NXPH2: variants seen among roughly 807,000 people sequenced by gnomAD.
NXPH2 encodes neurexophilin 2, also known as neurexophilin-2.
In NXPH2, 5 loss-of-function variants were observed where a neutral mutation model predicts 19.8. The ratio of observed to expected loss-of-function variants is 0.25; its 90% CI spans 0.13 to 0.53. The LOEUF (loss-of-function observed/expected upper bound fraction) is 0.53, where lower values mean the gene tolerates loss of function less well. Ranked by LOEUF, NXPH2 falls within the 20% of genes least tolerant of loss-of-function variation. The pLI, the probability that NXPH2 is intolerant of heterozygous loss-of-function variation, is 0.96. For missense variants in NXPH2, 289 were observed against 322.8 expected, an observed-to-expected ratio of 0.90 and a Z score of 0.80; for synonymous variants, 154 against 127.4, an observed-to-expected ratio of 1.21 and a Z score of -1.41.
At chr2:138,690,348 C>A (rs1373865792) in intron 1 of NXPH2, among the ~76,000 whole-genome samples, 1 of 152,192 alleles carries the variant, frequency 6.6e-6, no homozygotes, top group African/African-American at 2.4e-5. Flanking sequence ...TGTCCCATCT[C>A]ACCCTTTCAA....
In NXPH2 at chr2:138,740,735, G is replaced by A. The variant is rs142397481; in HGVS notation, c.51+39456C>T. Among the ~76,000 whole-genome samples, 935 of 151,922 alleles carry A rather than the reference G, an allele frequency of 6.2e-3. 7 individuals are homozygous for A. Among genetic ancestry groups the A allele is most frequent in the Non-Finnish European group, 8.9e-3 (608 of 68,004 alleles). On this transcript the variant is annotated intron_variant, in intron 1 of 1. Transcript: ENST00000272641. Reference sequence around the variant, plus strand: ...CATCCAAGATTTTAATTCTTATTGCGTTGTAAAGTTTAAAGTCTCCTGCTT... The same window carrying A: ...CATCCAAGATTTTAATTCTTATTGCATTGTAAAGTTTAAAGTCTCCTGCTT...
intron 1 of NXPH2, among the ~76,000 whole-genome samples, chr2:138,779,946 A>G (rs904691779): frequency 6.6e-6 from 1 of 151,956 alleles, no homozygotes; most frequent in African/African-American, 2.4e-5. Context: ...CCTTCTGCCT[A>G]CTTTACCCCA....
chr2:138,691,933 A>G (rs1418158292), intron 1 of NXPH2, among the ~76,000 whole-genome samples: 1 of 152,252 alleles, frequency 6.6e-6, no homozygotes, highest in East Asian at 1.9e-4. Flanking sequence ...ATAAGATGTA[A>G]TAAAATGGTT....
intron 1 of NXPH2, among the ~76,000 whole-genome samples, chr2:138,770,678 C>G (rs1381507810): frequency 6.6e-6 from 1 of 151,882 alleles, no homozygotes; most frequent in Non-Finnish European, 1.5e-5. Context: ...TCCTTACATT[C>G]CAGCAAAAAT....
chr2:138,678,882 G>A (rs957913840), intron 1 of NXPH2, among the ~76,000 whole-genome samples: 23 of 152,074 alleles, frequency 1.5e-4, no homozygotes, highest in Admixed American at 1.2e-3. Flanking sequence ...GGCTTTCTTT[G>A]TAGGTCAACT....
chr2:138,695,797 T>A (rs1365441574), intron 1 of NXPH2, among the ~76,000 whole-genome samples: 1 of 152,054 alleles, frequency 6.6e-6, no homozygotes, highest in Non-Finnish European at 1.5e-5. Context: ...ACACAATTCA[T>A]AGACAAGATA....
intron 1 of NXPH2, among the ~76,000 whole-genome samples, chr2:138,719,302 T>C (rs1227207113): frequency 6.6e-6 from 1 of 152,122 alleles, no homozygotes; most frequent in East Asian, 1.9e-4. Flanking sequence ...AAGAAAATTC[T>C]TTATATGTCT....
chr2:138,702,185 T>C (rs1166585924), intron 1 of NXPH2, among the ~76,000 whole-genome samples: 1 of 152,148 alleles, frequency 6.6e-6, no homozygotes, highest in Non-Finnish European at 1.5e-5. Context: ...GGCACAATGA[T>C]AGCTCACTGT....
rs1229213782 is a variant in NXPH2, at chr2:138,670,881, C to A, written c.*41G>T. The A allele has an allele frequency of 1.9e-6, 3 of 1,561,686 alleles. No individual in the cohort carries two copies. The highest frequency in any genetic ancestry group is 1.2e-5 in the South Asian group (1 of 81,926). On this transcript the variant is annotated 3_prime_UTR_variant, in exon 2 of 2. Coordinates refer to ENST00000272641, the MANE Select transcript of NXPH2 (RefSeq NM_007226.3). Reference sequence around the variant, plus strand: ...GGGCTTGTTTCTTTGTCATTCTAATCAAATACATATGTATCCCTCATTTCC... The same window carrying A: ...GGGCTTGTTTCTTTGTCATTCTAATAAAATACATATGTATCCCTCATTTCC...
chr2:138,755,270 C>G (rs577274630), intron 1 of NXPH2, among the ~76,000 whole-genome samples: 1 of 151,864 alleles, frequency 6.6e-6, no homozygotes, highest in African/African-American at 2.4e-5. Context: ...TAGATTTTCT[C>G]CTGTGGTTTT....
rs182519964 is a variant in NXPH2, at chr2:138,765,038, A to T, written c.51+15153T>A. 3.9e-5 allele frequency among the ~76,000 whole-genome samples: 6 copies of T among 152,356 alleles called. No homozygotes were observed. In the East Asian group the frequency reaches 1.2e-3, roughly 29 times the overall value. ...AAAGAAGGGCTTGACTTATTTAGGG[A>T]TGTGTACAGAGAATGGTAGTAGCAT... On this transcript the variant is annotated intron_variant, in intron 1 of 1. Transcript: ENST00000272641.
chr2:138,689,959 G>A (rs758420848), intron 1 of NXPH2, among the ~76,000 whole-genome samples: 2 of 152,162 alleles, frequency 1.3e-5, no homozygotes, highest in Non-Finnish European at 2.9e-5. Flanking sequence ...TTGAGGGGGT[G>A]GCAGAGGGAG....
intron 1 of NXPH2, among the ~76,000 whole-genome samples, chr2:138,779,954 C>G (rs1173755417): frequency 6.6e-6 from 1 of 152,174 alleles, no homozygotes; most frequent in Non-Finnish European, 1.5e-5. Flanking sequence ...CTACTTTACC[C>G]CAGCGCTCAA....
chr2:138,746,453 CCAGA>C (rs1352577908), intron 1 of NXPH2, among the ~76,000 whole-genome samples: 2 of 152,166 alleles, frequency 1.3e-5, no homozygotes, highest in East Asian at 3.9e-4. Context: ...CTGGCTCCAG[CCAGA>C]CAGAGGATGA....
At chr2:138,774,387 A>C (rs1394183040) in intron 1 of NXPH2, among the ~76,000 whole-genome samples, 1 of 152,190 alleles carries the variant, frequency 6.6e-6, no homozygotes, top group African/African-American at 2.4e-5. Context: ...TTTTAAATCT[A>C]CTTCTAAGTA....
chr2:138,711,854 T>G (rs1456339357), intron 1 of NXPH2, among the ~76,000 whole-genome samples: 1 of 152,216 alleles, frequency 6.6e-6, no homozygotes, highest in Non-Finnish European at 1.5e-5. Context: ...GGATAGTGTT[T>G]CCATGATCAC....
intron 1 of NXPH2, among the ~76,000 whole-genome samples, chr2:138,679,544 G>A (rs915627638): frequency 6.6e-6 from 1 of 152,062 alleles, no homozygotes; most frequent in Non-Finnish European, 1.5e-5. Context: ...GGGTTTACAG[G>A]CATTCGCCAC....
chr2:138,682,866 C>T (rs1205951452), intron 1 of NXPH2, among the ~76,000 whole-genome samples: 1 of 152,178 alleles, frequency 6.6e-6, no homozygotes, highest in Non-Finnish European at 1.5e-5. Context: ...TCAGTACACA[C>T]ACACATGCAT....
chr2:138,693,111 G>A (rs1356608957), intron 1 of NXPH2, among the ~76,000 whole-genome samples: 1 of 151,816 alleles, frequency 6.6e-6, no homozygotes, highest in Admixed American at 6.6e-5. Flanking sequence ...TTCATGGTTT[G>A]TTCCATGAAT....
Sources: gnomAD v4.1 joint callset for allele counts (sites outside exome capture counted in the v4.1 genomes callset) on GRCh38, gnomAD v4.1.1 for gene constraint, MANE v1.5 for transcripts, NCBI Gene and HGNC (gene_info 2026-07-23, HGNC 2026-07-21) for gene names.